The following GFOD1 variants were observed in gnomAD, a reference collection of about 807,000 sequenced individuals.
GFOD1 encodes glucose-fructose oxidoreductase domain-containing protein 1.
In GFOD1, 9 loss-of-function variants were observed where a neutral mutation model predicts 25.4. That is an observed-to-expected ratio of 0.35 (90% confidence interval 0.21 to 0.62). The LOEUF (loss-of-function observed/expected upper bound fraction) is 0.62, where lower values mean the gene tolerates loss of function less well. Ranked by LOEUF, GFOD1 falls within the 20% of genes least tolerant of loss-of-function variation. GFOD1 has a pLI of 0.72. For missense variants in GFOD1, 403 were observed against 556.9 expected (o/e 0.72, Z 2.78); for synonymous variants, 253 against 245.6 (o/e 1.03, Z -0.28).
intron 1 of GFOD1, among the ~76,000 whole-genome samples, chr6:13,425,867 G>T (rs1341005535): frequency 1.4e-5 from 2 of 140,832 alleles, no homozygotes; most frequent in Non-Finnish European, 3.0e-5. Context: ...TAGCTGATAA[G>T]CTAGGAAAAA....
In GFOD1 at chr6:13,365,251, G is replaced by A; in HGVS notation, c.665C>T (p.Thr222Ile). 1 of 1,614,234 alleles carries A rather than the reference G, an allele frequency of 6.2e-7. No individual in the cohort carries two copies. The highest frequency in any genetic ancestry group is 2.2e-5 in the East Asian group (1 of 44,886). ...CCCGCCCTCCAGCACCATCTGGAAG[G>A]TGCAGAAGTCATCGCTGGTGATCTG... ...IRQITSDDFC[T>I]FQMVLEGGVC... is the part of the protein sequence containing the mutation. Residue 222 changes from threonine (T) to isoleucine (I), a missense_variant, in exon 2 of 2, where the codon ACC (threonine) becomes ATC (isoleucine). Thr to Ile is a moderately conservative substitution (Grantham distance 89, BLOSUM62 -1). Coordinates refer to ENST00000379287, the MANE Select transcript of GFOD1 (RefSeq NM_018988.4). This position sits in a 1 kb window ranked among gnomAD's most constrained non-coding sequence, Gnocchi z 9.2.
At chr6:13,454,285 T>C (rs1023864912) in intron 1 of GFOD1, among the ~76,000 whole-genome samples, 4 of 152,114 alleles carry the variant, frequency 2.6e-5, no homozygotes, top group Non-Finnish European at 5.9e-5. Context: ...TGAAAAAAAT[T>C]AATTTCTGTT....
intron 1 of GFOD1, among the ~76,000 whole-genome samples, chr6:13,427,530 A>T (rs1345010894): frequency 6.6e-6 from 1 of 152,168 alleles, no homozygotes; most frequent in African/African-American, 2.4e-5. Context: ...GTGCACCTCT[A>T]GTCCCGCCTA....
chr6:13,445,359 T>A (rs552923786), intron 1 of GFOD1, among the ~76,000 whole-genome samples: 20 of 152,294 alleles, frequency 1.3e-4, no homozygotes, highest in Admixed American at 1.0e-3. Flanking sequence ...ATGGCTATAA[T>A]CTCCTATCGA....
intron 1 of GFOD1, among the ~76,000 whole-genome samples, chr6:13,425,051 T>C (rs998755788): frequency 6.6e-5 from 10 of 150,518 alleles, no homozygotes; most frequent in African/African-American, 2.5e-4. Context: ...CTTGACCTCC[T>C]GGGCTCAAGC....
intron 1 of GFOD1, among the ~76,000 whole-genome samples, chr6:13,473,453 C>A (rs1758550716): frequency 6.6e-6 from 1 of 152,240 alleles, no homozygotes; most frequent in Non-Finnish European, 1.5e-5. Flanking sequence ...CAACAGGGTC[C>A]TTTCCAACAC....
At chr6:13,460,809 T>G (rs1206300815) in intron 1 of GFOD1, among the ~76,000 whole-genome samples, 2 of 152,198 alleles carry the variant, frequency 1.3e-5, no homozygotes, top group Admixed American at 6.5e-5. Context: ...AATCTGCATG[T>G]CCTGCATACG....
rs530656113 is a variant in GFOD1 at position 13,435,502 on chromosome 6, A to G, written c.253+51136T>C. Among the ~76,000 whole-genome samples the G allele has an allele frequency of 3.2e-3, 489 of 152,312 alleles. 2 individuals carry two copies. The highest frequency in any genetic ancestry group is 5.6e-3 in the Non-Finnish European group (382 of 68,034). On this transcript the variant is annotated intron_variant, in intron 1 of 1. Coordinates refer to ENST00000379287, the MANE Select transcript of GFOD1 (RefSeq NM_018988.4). Reference sequence around the variant, plus strand: ...TTTCCTGTACTAGACTGTTAGCTCCAAAGAAACTATACCAGTCATGGGCAC... The same window carrying G: ...TTTCCTGTACTAGACTGTTAGCTCCGAAGAAACTATACCAGTCATGGGCAC...
chr6:13,453,766 T>C (rs1584661270), intron 1 of GFOD1, among the ~76,000 whole-genome samples: 1 of 152,216 alleles, frequency 6.6e-6, no homozygotes, highest in Non-Finnish European at 1.5e-5. Context: ...TTTACTGATA[T>C]GGAAACAAGA....
At chr6:13,423,880 C>CA (rs1786304878) in intron 1 of GFOD1, among the ~76,000 whole-genome samples, 1 of 152,102 alleles carries the variant, frequency 6.6e-6, no homozygotes. Flanking sequence ...TTTTTGGAGA[C>CA]ACGGCTTTGC....
intron 1 of GFOD1, among the ~76,000 whole-genome samples, chr6:13,411,645 C>T (rs747334344): frequency 6.6e-6 from 1 of 152,168 alleles, no homozygotes; most frequent in African/African-American, 2.4e-5. Context: ...TCCTCAGACG[C>T]AGTAACACTG....
At chr6:13,458,932 G>T (rs1758241709) in intron 1 of GFOD1, among the ~76,000 whole-genome samples, 1 of 152,172 alleles carries the variant, frequency 6.6e-6, no homozygotes, top group Non-Finnish European at 1.5e-5. Flanking sequence ...TGGACAGCAA[G>T]AAGAAAGGCA....
At chr6:13,413,775 A>C (rs1786118493) in intron 1 of GFOD1, among the ~76,000 whole-genome samples, 1 of 152,196 alleles carries the variant, frequency 6.6e-6, no homozygotes, top group Admixed American at 6.5e-5. Context: ...AAGCCAAACA[A>C]ACAGCTTGGC....
chr6:13,409,151 G>GGA lies in GFOD1; in HGVS notation c.254-43490_254-43489insTC, dbSNP rs1786010573. ...AAAGAAAGAAAGAAAGAAAGAAAGA[G>GGA]AGGAAAGAAAGAAAGGAAAGAGAGA... On this transcript the variant is annotated intron_variant, in intron 1 of 1. Coordinates refer to ENST00000379287, the MANE Select transcript of GFOD1 (RefSeq NM_018988.4). Among the ~76,000 whole-genome samples, 24 of 64,548 alleles carry GGA rather than the reference G, an allele frequency of 3.7e-4. 1 individual carries two copies. The highest frequency in any genetic ancestry group is 1.6e-3 in the African/African-American group (22 of 13,404). 42.3% of individuals were successfully genotyped at this position (64,548 alleles called of 152,430 possible).
chr6:13,378,874 C>T (rs1196175715), intron 1 of GFOD1, among the ~76,000 whole-genome samples: 2 of 152,166 alleles, frequency 1.3e-5, no homozygotes, highest in South Asian at 2.1e-4. Flanking sequence ...GTGCTCCATG[C>T]TTCCTCCCCA....
chr6:13,442,228 T>A (rs1757929406), intron 1 of GFOD1, among the ~76,000 whole-genome samples: 2 of 152,254 alleles, frequency 1.3e-5, no homozygotes, highest in African/African-American at 4.8e-5. Context: ...CATTCCACAG[T>A]ATATACAGGC....
intron 1 of GFOD1, among the ~76,000 whole-genome samples, chr6:13,387,324 T>C (rs569113486): frequency 6.6e-6 from 1 of 152,252 alleles, no homozygotes; most frequent in Non-Finnish European, 1.5e-5. Context: ...AAAAAGAGAA[T>C]TTTAGGCCAA....
Position 13,373,741 on chromosome 6 carries a change from AACAC to A in GFOD1, c.254-8083_254-8080del, listed in dbSNP as rs10530031. Reference sequence around the variant, plus strand: ...CTGCTAATCTCCTTCCTGCTCCCCCAACACACACACACACACACACACACACACA... The same window carrying A: ...CTGCTAATCTCCTTCCTGCTCCCCCAACACACACACACACACACACACACA... On this transcript the variant is annotated intron_variant, in intron 1 of 1. Coordinates refer to ENST00000379287, the MANE Select transcript of GFOD1 (RefSeq NM_018988.4). 5.8e-3 allele frequency among the ~76,000 whole-genome samples: 750 copies of A among 129,540 alleles called. 4 individuals are homozygous for A. Among genetic ancestry groups the A allele is most frequent in the African/African-American group, 8.0e-3 (266 of 33,090 alleles). The allele number at this position is 129,540 out of a possible 152,430, so 85.0% of individuals were successfully genotyped here.
At chr6:13,453,428 C>T (rs147268686) in intron 1 of GFOD1, among the ~76,000 whole-genome samples, 11 of 152,270 alleles carry the variant, frequency 7.2e-5, no homozygotes, top group African/African-American at 1.7e-4. Context: ...TGAATAAATG[C>T]GGTTTCAAAG....
Sources: gnomAD v4.1 joint callset for allele counts (sites outside exome capture counted in the v4.1 genomes callset) on GRCh38, gnomAD v4.1.1 for gene constraint, Gnocchi (gnomAD v3.1) non-coding constraint, MANE v1.5 for transcripts, NCBI Gene and HGNC (gene_info 2026-07-23, HGNC 2026-07-21) for gene names.